GRIP1: variants seen among roughly 807,000 people sequenced by gnomAD.
GRIP1 encodes glutamate receptor-interacting protein 1.
Under a neutral mutation model 129.9 loss-of-function variants are expected in GRIP1, and 45 were observed. The ratio of observed to expected loss-of-function variants is 0.35; its 90% CI spans 0.27 to 0.44. The LOEUF is 0.44. Among genes scored for constraint, GRIP1 ranks in the 20% least tolerant of loss-of-function variants. The pLI, the probability that GRIP1 is intolerant of heterozygous loss-of-function variation, is 1.00. For missense variants in GRIP1, 1,196 were observed against 1,396.8 expected, an observed-to-expected ratio of 0.86 and a Z score of 2.29; for synonymous variants, 530 against 520.8, an observed-to-expected ratio of 1.02 and a Z score of -0.24.
intron 1 of GRIP1, among the ~76,000 whole-genome samples, chr12:66,665,845 C>T (rs773549580): frequency 6.6e-6 from 1 of 152,088 alleles, no homozygotes; most frequent in Non-Finnish European, 1.5e-5. Flanking sequence ...TACTACCGAA[C>T]AGTTTTCTAA....
intron 1 of GRIP1, among the ~76,000 whole-genome samples, chr12:66,709,962 T>C (rs773837321): frequency 2.0e-5 from 3 of 152,024 alleles, no homozygotes; most frequent in Non-Finnish European, 2.9e-5. Context: ...ACTGGAATTA[T>C]ATGTTATTAG....
intron 1 of GRIP1, among the ~76,000 whole-genome samples, chr12:66,948,721 C>T (rs2041708862): frequency 6.6e-6 from 1 of 151,918 alleles, no homozygotes. Flanking sequence ...AACTGGGTTC[C>T]AAAGGATACA....
At chr12:66,497,183 T>C (rs777167607) in intron 7 of GRIP1, among the ~76,000 whole-genome samples, 1 of 152,194 alleles carries the variant, frequency 6.6e-6, no homozygotes. Flanking sequence ...CTGGTACTTA[T>C]TGTCTAATGA....
intron 8 of GRIP1, 49 bp from the exon 9 acceptor site, chr12:66,463,142 A>G (rs753119153): frequency 2.1e-6 from 3 of 1,438,216 alleles, no homozygotes; most frequent in Non-Finnish European, 2.9e-6. Flanking sequence ...TCCTCTTTGG[A>G]ATCTGACTTT....
chr12:66,855,182 G>T (rs1160035737), intron 1 of GRIP1, among the ~76,000 whole-genome samples: 2 of 151,864 alleles, frequency 1.3e-5, no homozygotes, highest in Non-Finnish European at 2.9e-5. Context: ...AGCTGCTATT[G>T]TACACATGAG....
At chr12:66,679,167 G>A (rs948388857), upstream of GRIP1, 104 of 1,378,206 alleles carry the variant, frequency 7.5e-5, no homozygotes, top group East Asian at 2.6e-4. Flanking sequence ...AAGTAATGCC[G>A]TTTCGATAGC....
chr12:66,701,958 T>C (rs2035367825), intron 1 of GRIP1, among the ~76,000 whole-genome samples: 1 of 152,204 alleles, frequency 6.6e-6, no homozygotes, highest in African/African-American at 2.4e-5. Context: ...GATTTTTTAA[T>C]GGATGCTGAT....
At chr12:66,612,991 T>C (rs1377035206) in intron 1 of GRIP1, among the ~76,000 whole-genome samples, 1 of 152,182 alleles carries the variant, frequency 6.6e-6, no homozygotes, top group African/African-American at 2.4e-5. Flanking sequence ...TGTTCACATG[T>C]AATGATTTGA....
upstream of GRIP1, among the ~76,000 whole-genome samples, chr12:66,808,506 T>G (rs1329931901): frequency 6.6e-6 from 1 of 152,054 alleles, no homozygotes; most frequent in Non-Finnish European, 1.5e-5. Flanking sequence ...TGAGACGGGT[T>G]TTCACTGATC....
intron 1 of GRIP1, among the ~76,000 whole-genome samples, chr12:66,775,275 T>G (rs772761628): frequency 1.5e-4 from 23 of 152,106 alleles, no homozygotes; most frequent in Non-Finnish European, 3.1e-4. Flanking sequence ...TTGGGACAAT[T>G]AAGAATTTCT....
chr12:66,433,916 C>T (rs1271733475), intron 13 of GRIP1, among the ~76,000 whole-genome samples: 2 of 152,182 alleles, frequency 1.3e-5, no homozygotes, highest in Non-Finnish European at 2.9e-5. Context: ...ATTAGGCACT[C>T]AGGCCCTTAG....
At position 66,855,649 on chromosome 12, in the gene GRIP1, T is replaced by A. The variant is rs375301284; in HGVS notation, c.58+213401A>T. Among the ~76,000 whole-genome samples the A allele has an allele frequency of 2.1e-4, 32 of 152,150 alleles. No homozygotes were observed. In the East Asian group the frequency reaches 5.2e-3, roughly 25 times the overall value. Reference sequence around the variant, plus strand: ...TTTTACAAGGATATTGTAGATCTTTTAACTTTCTAAGATAGCAAAAAATAA... The same window carrying A: ...TTTTACAAGGATATTGTAGATCTTTAAACTTTCTAAGATAGCAAAAAATAA... On this transcript the variant is annotated intron_variant, in intron 1 of 1. Coordinates refer to the GRIP1 transcript ENST00000643019.
chr12:66,723,206 C>CT (rs1409295484), intron 1 of GRIP1, among the ~76,000 whole-genome samples: 30 of 50,876 alleles, frequency 5.9e-4, no homozygotes, highest in African/African-American at 3.3e-3. Flanking sequence ...ATCTTCTTTT[C>CT]TTTCTTTCTT....
At chr12:66,421,939 A>G (rs1054614071) in intron 14 of GRIP1, among the ~76,000 whole-genome samples, 3 of 152,160 alleles carry the variant, frequency 2.0e-5, no homozygotes, top group African/African-American at 7.2e-5. Flanking sequence ...TTTGCACTTA[A>G]TTTAGGAATT....
At chr12:66,850,778 T>C (rs1198328873) in intron 1 of GRIP1, among the ~76,000 whole-genome samples, 1 of 151,936 alleles carries the variant, frequency 6.6e-6, no homozygotes, top group Non-Finnish European at 1.5e-5. Flanking sequence ...TCAGCCAGCA[T>C]GTAACCACAT....
At chr12:66,425,178 T>C (rs2137886880) in intron 14 of GRIP1, among the ~76,000 whole-genome samples, 1 of 152,320 alleles carries the variant, frequency 6.6e-6, no homozygotes, top group Middle Eastern at 3.4e-3. Context: ...ATCCTTCTTT[T>C]AGAAATTTGA....
intron 7 of GRIP1, among the ~76,000 whole-genome samples, chr12:66,484,936 G>A (rs531334769): frequency 1.3e-4 from 20 of 152,196 alleles, no homozygotes; most frequent in East Asian, 3.9e-4. Context: ...AAAATATCAC[G>A]TGTACCCTAT....
intron 1 of GRIP1, among the ~76,000 whole-genome samples, chr12:66,775,140 GTGCTCAGCCCCTAAT>G (rs1453233500): frequency 1.3e-5 from 2 of 152,176 alleles, no homozygotes; most frequent in Non-Finnish European, 2.9e-5. Flanking sequence ...GGATGCATCT[GTGCTCAGCCCCTAAT>G]TGCCAGCCTA....
chr12:66,620,754 A>T (rs2065234548), intron 1 of GRIP1, among the ~76,000 whole-genome samples: 1 of 145,032 alleles, frequency 6.9e-6, no homozygotes, highest in African/African-American at 2.6e-5. Context: ...TTCTTATGAC[A>T]CTCTTCCCAC....
Sources: allele counts gnomAD v4.1 joint callset (sites outside exome capture counted in the v4.1 genomes callset), GRCh38; gene constraint gnomAD v4.1.1; transcripts MANE v1.5; gene names NCBI Gene and HGNC (gene_info 2026-07-23, HGNC 2026-07-21).